The following SLC35F3 variants were observed in gnomAD, a reference collection of about 807,000 sequenced individuals.
The protein encoded by SLC35F3 is solute carrier family 35 member F3, also known as putative thiamine transporter SLC35F3.
In SLC35F3, 25 loss-of-function variants were observed where a neutral mutation model predicts 49.9. The observed-to-expected ratio is 0.50, with a 90% CI of 0.37 to 0.70. The LOEUF (loss-of-function observed/expected upper bound fraction) is 0.70, where lower values mean the gene tolerates loss of function less well. SLC35F3 is among the 30% of genes least tolerant of loss of function. SLC35F3 has a pLI of 0.00. For synonymous variants in SLC35F3, 275 were observed against 265.4 expected (o/e 1.04, Z -0.35); for missense variants, 525 against 639.8 (o/e 0.82, Z 1.94).
chr1:234,224,067 T>TGTTTGTTTGTTTGTTC (rs1553316549), intron 2 of SLC35F3, among the ~76,000 whole-genome samples: 35 of 151,850 alleles, frequency 2.3e-4, no homozygotes, highest in African/African-American at 8.5e-4. Flanking sequence ...TTTGTTTGTT[T>TGTTTGTTTGTTTGTTC]GTTTGTTTGT....
intron 2 of SLC35F3, among the ~76,000 whole-genome samples, chr1:233,954,567 A>T (rs890360534): frequency 1.3e-5 from 2 of 152,196 alleles, no homozygotes; most frequent in African/African-American, 2.4e-5. Context: ...GCTAAGGGTG[A>T]CCCATGCAGT....
chr1:234,193,951 T>C (rs554851912), intron 2 of SLC35F3, among the ~76,000 whole-genome samples: 3 of 152,258 alleles, frequency 2.0e-5, no homozygotes, highest in Admixed American at 6.5e-5. Context: ...AAATAATAGA[T>C]GTTGGCATGG....
chr1:233,905,702 G>T lies in SLC35F3; in HGVS notation c.227G>T (p.Arg76Leu). The T allele has an allele frequency of 1.2e-6, 2 of 1,614,194 alleles. No individual in the cohort carries two copies. Among genetic ancestry groups the T allele is most frequent in the East Asian group, 2.2e-5 (1 of 44,876 alleles). ...GTGGGGCTCACGTCCATCGAGGAGCGGATCCTGCGCATCACTGGCTACTAT... is the reference window on the plus strand; with the variant it reads ...GTGGGGCTCACGTCCATCGAGGAGCTGATCCTGCGCATCACTGGCTACTAT... ...GPVGLTSIEERILRITGYYGY... is the reference protein window; with the variant it reads ...GPVGLTSIEELILRITGYYGY... The change falls in exon 2 of 8, where the codon CGG becomes CTG. Residue 76 changes from arginine to leucine, a missense_variant. Arg to Leu is a moderately radical substitution (Grantham distance 102). Around this residue, in one of 4 missense-constraint regions of SLC35F3, gnomAD observed 228 missense variants for 218.9 expected, o/e 1.04. Transcript: ENST00000366618.
At chr1:234,106,974 T>C (rs1665293656) in intron 2 of SLC35F3, among the ~76,000 whole-genome samples, 2 of 152,232 alleles carry the variant, frequency 1.3e-5, no homozygotes, top group South Asian at 4.1e-4. Context: ...TTTTTAATCA[T>C]CTCCATTGGC....
intron 2 of SLC35F3, among the ~76,000 whole-genome samples, chr1:233,941,180 A>T (rs1322395594): frequency 1.3e-5 from 2 of 152,012 alleles, no homozygotes; most frequent in East Asian, 3.9e-4. Context: ...CCTTCCTCTC[A>T]TTTTTGTAAC....
chr1:233,997,828 T>C (rs909518497), intron 2 of SLC35F3, among the ~76,000 whole-genome samples: 2 of 152,130 alleles, frequency 1.3e-5, no homozygotes, highest in Non-Finnish European at 2.9e-5. Context: ...CTTGGCTCAC[T>C]GCAACCTCCG....
At chr1:233,922,064 C>A (rs1412890255) in intron 2 of SLC35F3, among the ~76,000 whole-genome samples, 2 of 152,160 alleles carry the variant, frequency 1.3e-5, no homozygotes, top group Non-Finnish European at 2.9e-5. Context: ...TGGCTTGGTT[C>A]CAAGTCTTTG....
intron 2 of SLC35F3, among the ~76,000 whole-genome samples, chr1:234,207,244 A>G (rs1005086662): frequency 1.3e-5 from 2 of 151,778 alleles, no homozygotes; most frequent in Admixed American, 6.6e-5. Flanking sequence ...AGACCTGAGC[A>G]GAGGGGAGCC....
At chr1:234,302,630 G>C (rs908545463) in intron 3 of SLC35F3, among the ~76,000 whole-genome samples, 2 of 152,208 alleles carry the variant, frequency 1.3e-5, no homozygotes, top group African/African-American at 4.8e-5. Flanking sequence ...GGGAAAAAGA[G>C]GAACATAAGA....
chr1:234,089,166 A>G lies in SLC35F3; in HGVS notation c.284-142251A>G, dbSNP rs1461242381. Among the ~76,000 whole-genome samples, 5 of 151,802 alleles carry G rather than the reference A, an allele frequency of 3.3e-5. 1 individual carries two copies. In the South Asian group the frequency reaches 1.0e-3, roughly 31 times the overall value. On this transcript the variant is annotated intron_variant, in intron 2 of 7. Transcript: ENST00000366618. ...TTAAGAGTCCTCACCCAGGGCACAC[A>G]CTTTTCCACCGAGCATAGTCCCAGC...
rs767792477 is a variant in SLC35F3, at chr1:234,231,538, C to G, written c.405C>G (p.Ile135Met). The change falls in exon 3 of 8, where the codon ATC (isoleucine) becomes ATG (methionine). Residue 135 changes from isoleucine to methionine, a missense_variant. Transcript: ENST00000366618. The surrounding 1 kb of genome is among the most constrained non-coding windows in gnomAD (Gnocchi z 5.4). ...WTCSRAQLKK[I>M]FWGVAVVLCV... Reference sequence around the variant, plus strand: ...GCTCCCGGGCGCAACTCAAGAAGATCTTCTGGGGCGTGGCGGTCGTGCTGT... The same window carrying G: ...GCTCCCGGGCGCAACTCAAGAAGATGTTCTGGGGCGTGGCGGTCGTGCTGT... 6.2e-7 allele frequency: 1 copy of G among 1,614,082 alleles called. No individual in the cohort carries two copies. The highest frequency in any genetic ancestry group is 8.5e-7 in the Non-Finnish European group (1 of 1,179,974).
chr1:233,925,545 C>T (rs986631945), intron 2 of SLC35F3, among the ~76,000 whole-genome samples: 3 of 152,078 alleles, frequency 2.0e-5, no homozygotes, highest in Admixed American at 2.0e-4. Flanking sequence ...TGAGATGGGT[C>T]TCCTGAATAC....
intron 2 of SLC35F3, among the ~76,000 whole-genome samples, chr1:234,110,222 C>A (rs1665386440): frequency 6.6e-6 from 1 of 152,114 alleles, no homozygotes; most frequent in African/African-American, 2.4e-5. Flanking sequence ...ATCCTATATT[C>A]CTTGCAAGAG....
intron 2 of SLC35F3, among the ~76,000 whole-genome samples, chr1:234,190,998 T>C (rs11484494): frequency 0.08 from 12,194 of 152,244 alleles, 1,351 homozygotes; most frequent in African/African-American, 0.25. Flanking sequence ...CAAAGGCAGC[T>C]GCCGAGCTTC....
At chr1:234,321,548 G>A (rs779491632) in intron 7 of SLC35F3, among the ~76,000 whole-genome samples, 1 of 152,198 alleles carries the variant, frequency 6.6e-6, no homozygotes, top group Non-Finnish European at 1.5e-5. Context: ...TGCATCTTTA[G>A]TTTGTGGTCA....
rs10631137 is a variant in SLC35F3, at chr1:234,019,367, TGA to T, written c.283+113620_283+113621del. The stretch of plus-strand genomic sequence containing the variant: ...TGTGCATGTATATGTGTGTGTGTAA[TGA>T]GAGAGAGAGACAGAGACAGAAACAG... On this transcript the variant is annotated intron_variant, in intron 2 of 7. Coordinates refer to ENST00000366618, the MANE Select transcript of SLC35F3 (RefSeq NM_173508.4). Among the ~76,000 whole-genome samples the T allele has an allele frequency of 1.4e-4, 22 of 151,736 alleles. No homozygotes were observed. In the South Asian group the frequency reaches 4.6e-3, roughly 32 times the overall value.
Position 234,289,960 on chromosome 1 carries a change from T to C in SLC35F3, c.609-19141T>C, listed in dbSNP as rs1668481221. Among the ~76,000 whole-genome samples the C allele has an allele frequency of 2.6e-5, 4 of 152,188 alleles. No homozygotes were observed. In the South Asian group the frequency reaches 8.3e-4, roughly 32 times the overall value. On this transcript the variant is annotated intron_variant, in intron 3 of 7. Coordinates refer to ENST00000366618, the MANE Select transcript of SLC35F3 (RefSeq NM_173508.4). ...CAAAAGAGCTTTATTAATAGTATGTTTAAAGTTTTCAAAGAAAGAAGAGGG... is the reference window on the plus strand; with the variant it reads ...CAAAAGAGCTTTATTAATAGTATGTCTAAAGTTTTCAAAGAAAGAAGAGGG...
At position 234,234,474 on chromosome 1, in the gene SLC35F3, G is replaced by C. The variant is rs906738723; in HGVS notation, c.608+2733G>C. Among the ~76,000 whole-genome samples, 3 of 151,968 alleles carry C rather than the reference G, an allele frequency of 2.0e-5. No individual in the cohort carries two copies. In the East Asian group the frequency reaches 5.8e-4, roughly 29 times the overall value. Reference sequence around the variant, plus strand: ...CTTGTTGAAGGCAGACTCTGATTCAGTGGGTCTGAGTGGATCTGAGATTCC... The same window carrying C: ...CTTGTTGAAGGCAGACTCTGATTCACTGGGTCTGAGTGGATCTGAGATTCC... On this transcript the variant is annotated intron_variant, in intron 3 of 7. Transcript: ENST00000366618.
chr1:233,960,346 A>G (rs1017700633), intron 2 of SLC35F3, among the ~76,000 whole-genome samples: 1 of 152,168 alleles, frequency 6.6e-6, no homozygotes, highest in Admixed American at 6.5e-5. Flanking sequence ...TTAGGTGAGG[A>G]CATTAAACAT....
Sources: gnomAD v4.1 joint callset for allele counts (sites outside exome capture counted in the v4.1 genomes callset) on GRCh38, gnomAD v4.1.1 for gene constraint, gnomAD v4.1.1 regional missense constraint, Gnocchi (gnomAD v3.1) non-coding constraint, MANE v1.5 for transcripts, NCBI Gene and HGNC (gene_info 2026-07-23, HGNC 2026-07-21) for gene names.